Variants in PTPRD observed in about 807,000 individuals in gnomAD.
The protein encoded by PTPRD is receptor-type tyrosine-protein phosphatase delta.
In PTPRD, 34 loss-of-function variants were observed where a neutral mutation model predicts 214.5. The ratio of observed to expected loss-of-function variants is 0.16; its 90% CI spans 0.12 to 0.21. PTPRD has a LOEUF of 0.21. Among genes scored for constraint, PTPRD ranks in the 10% least tolerant of loss-of-function variants. PTPRD has a pLI of 1.00. For synonymous variants in PTPRD, 1,128 were observed against 845.7 expected, an observed-to-expected ratio of 1.33 and a Z score of -5.79; for missense variants, 2,545 against 2,398.7, an observed-to-expected ratio of 1.06 and a Z score of -1.27.
chr9:9,573,411 T>C (rs2087190270), intron 8 of PTPRD, among the ~76,000 whole-genome samples: 1 of 149,638 alleles, frequency 6.7e-6, no homozygotes, highest in African/African-American at 2.4e-5. Flanking sequence ...CTAATGTTCT[T>C]TTTTTAAAAA....
intron 3 of PTPRD, among the ~76,000 whole-genome samples, chr9:10,274,919 G>C (rs2094596711): frequency 6.6e-6 from 1 of 152,106 alleles, no homozygotes; most frequent in Admixed American, 6.5e-5. Context: ...GTGTATTGTA[G>C]TGACTAGGGA....
chr9:9,480,333 C>T (rs2095353321), intron 8 of PTPRD, among the ~76,000 whole-genome samples: 1 of 152,076 alleles, frequency 6.6e-6, no homozygotes, highest in South Asian at 2.1e-4. Flanking sequence ...GGAGAAAAGG[C>T]AGAATTGTTC....
chr9:10,383,310 T>C (rs1451795280), intron 2 of PTPRD, among the ~76,000 whole-genome samples: 1 of 151,888 alleles, frequency 6.6e-6, no homozygotes, highest in African/African-American at 2.4e-5. Flanking sequence ...CAAGCAATTT[T>C]AGGTTAAAAA....
chr9:10,463,899 A>G (rs2098975857), intron 2 of PTPRD, among the ~76,000 whole-genome samples: 1 of 152,216 alleles, frequency 6.6e-6, no homozygotes, highest in East Asian at 1.9e-4. Flanking sequence ...TACCCCTTTT[A>G]TTCTGCAGAG....
At chr9:10,421,250 A>G (rs981608408) in intron 2 of PTPRD, among the ~76,000 whole-genome samples, 4 of 151,820 alleles carry the variant, frequency 2.6e-5, no homozygotes, top group African/African-American at 9.7e-5. Context: ...CTAGGTGCAC[A>G]TGCCACTTAG....
intron 11 of PTPRD, among the ~76,000 whole-genome samples, chr9:8,755,627 A>C (rs1282662065): frequency 1.3e-5 from 2 of 152,206 alleles, no homozygotes; most frequent in Non-Finnish European, 2.9e-5. Flanking sequence ...ATAAAATCAA[A>C]TACTTGTTTA....
At chr9:9,506,477 T>G (rs2096574023) in intron 8 of PTPRD, among the ~76,000 whole-genome samples, 1 of 151,410 alleles carries the variant, frequency 6.6e-6, no homozygotes, top group Non-Finnish European at 1.5e-5. Flanking sequence ...CCTTCCAGAT[T>G]TATGATTCTA....
intron 10 of PTPRD, among the ~76,000 whole-genome samples, chr9:9,028,291 T>A (rs1443023275): frequency 1.3e-5 from 2 of 152,082 alleles, no homozygotes; most frequent in East Asian, 3.9e-4. Flanking sequence ...ACTATTATGC[T>A]CACCATATTC....
chr9:10,494,632 T>G (rs2041472206), intron 2 of PTPRD, among the ~76,000 whole-genome samples: 1 of 150,924 alleles, frequency 6.6e-6, no homozygotes, highest in African/African-American at 2.4e-5. Flanking sequence ...GGGCTTTTTT[T>G]TTTTCACTCT....
In PTPRD at chr9:10,319,478, C is replaced by T. The variant is rs575592528; in HGVS notation, c.-545+21485G>A. Among the ~76,000 whole-genome samples, 180 of 152,130 alleles carry T rather than the reference C, an allele frequency of 1.2e-3. 1 individual carries two copies. The highest frequency in any genetic ancestry group is 4.1e-3 in the African/African-American group (172 of 41,548). On this transcript the variant is annotated intron_variant, in intron 3 of 45. Coordinates refer to ENST00000381196, the MANE Select transcript of PTPRD (RefSeq NM_002839.4). ...AACCTCATTTTACAAGCTCAATTAC[C>T]AAACTAATTTTAAAAATCTCTGGAT...
At chr9:10,077,646 G>C (rs996814463) in intron 3 of PTPRD, among the ~76,000 whole-genome samples, 3 of 151,998 alleles carry the variant, frequency 2.0e-5, no homozygotes, top group Non-Finnish European at 4.4e-5. Context: ...ACCGTCCTCC[G>C]TTCCTCCTCT....
intron 9 of PTPRD, among the ~76,000 whole-genome samples, chr9:9,365,414 C>T (rs2139348879): frequency 6.6e-6 from 1 of 151,628 alleles, no homozygotes; most frequent in Admixed American, 6.6e-5. Context: ...TCATTCACCT[C>T]TATTTTACAA....
intron 2 of PTPRD, among the ~76,000 whole-genome samples, chr9:10,380,161 T>G (rs1330423160): frequency 6.6e-6 from 1 of 152,066 alleles, no homozygotes; most frequent in African/African-American, 2.4e-5. Context: ...GCCAATTTGA[T>G]TTCTAATTAA....
chr9:8,506,688 C>T (rs1409185120), intron 22 of PTPRD, among the ~76,000 whole-genome samples: 1 of 152,176 alleles, frequency 6.6e-6, no homozygotes, highest in Non-Finnish European at 1.5e-5. Context: ...TAGAACAGTG[C>T]CCATTAATGA....
intron 9 of PTPRD, among the ~76,000 whole-genome samples, chr9:9,191,890 C>T (rs1462762428): frequency 6.6e-6 from 1 of 152,002 alleles, no homozygotes; most frequent in Non-Finnish European, 1.5e-5. Context: ...TTTTGTGTCT[C>T]TTTGATTTTT....
chr9:10,573,273 G>A (rs765313898), intron 2 of PTPRD, among the ~76,000 whole-genome samples: 2 of 152,048 alleles, frequency 1.3e-5, no homozygotes, highest in African/African-American at 4.8e-5. Context: ...AAACACACAC[G>A]AATGTTGAAT....
At chr9:9,293,048 C>G (rs1415873403) in intron 9 of PTPRD, among the ~76,000 whole-genome samples, 2 of 151,516 alleles carry the variant, frequency 1.3e-5, no homozygotes, top group Admixed American at 1.3e-4. Context: ...GTCAGTTTCT[C>G]CTCTCTATCC....
chr9:8,656,410 G>A (rs190331009), intron 12 of PTPRD, among the ~76,000 whole-genome samples: 155 of 152,108 alleles, frequency 1.0e-3, no homozygotes, highest in African/African-American at 3.0e-3. Context: ...ATCCCCAATC[G>A]AATATCATTT....
At chr9:8,916,239 G>A (rs1213620711) in intron 11 of PTPRD, among the ~76,000 whole-genome samples, 1 of 152,086 alleles carries the variant, frequency 6.6e-6, no homozygotes, top group Non-Finnish European at 1.5e-5. Flanking sequence ...ATCAGCACAG[G>A]TAGAGAGGGA....
Sources: gnomAD v4.1 joint callset for allele counts (sites outside exome capture counted in the v4.1 genomes callset) on GRCh38, gnomAD v4.1.1 for gene constraint, MANE v1.5 for transcripts, NCBI Gene and HGNC (gene_info 2026-07-23, HGNC 2026-07-21) for gene names.